The following SOBP variants were observed in gnomAD, a reference collection of about 807,000 sequenced individuals.
SOBP encodes the protein sine oculis-binding protein homolog.
In SOBP, 4 loss-of-function variants were observed where a neutral mutation model predicts 53.6. That is an observed-to-expected ratio of 0.07 (90% CI 0.04 to 0.17). The LOEUF is 0.17. SOBP is among the 10% of genes least tolerant of loss of function. SOBP has a pLI of 1.00. For synonymous variants in SOBP, 584 were observed against 522.6 expected, an observed-to-expected ratio of 1.12 and a Z score of -1.60; for missense variants, 1,088 against 1,204.7, an observed-to-expected ratio of 0.90 and a Z score of 1.43.
intron 4 of SOBP, among the ~76,000 whole-genome samples, chr6:107,550,957 A>G (rs1477523193): frequency 2.0e-5 from 3 of 152,210 alleles, no homozygotes; most frequent in African/African-American, 7.2e-5. Flanking sequence ...GAGATAAAGG[A>G]GGCAAAGAAG....
At chr6:107,584,398 G>C (rs1214016846) in intron 4 of SOBP, among the ~76,000 whole-genome samples, 1 of 152,164 alleles carries the variant, frequency 6.6e-6, no homozygotes, top group Non-Finnish European at 1.5e-5. Context: ...ATGCAAAGGG[G>C]ATTACAGTGG....
intron 6 of SOBP, among the ~76,000 whole-genome samples, chr6:107,649,858 A>G (rs3800209): frequency 0.035 from 5,345 of 152,222 alleles, 296 homozygotes; most frequent in East Asian, 0.14. Context: ...AAGTGAGTGC[A>G]CAAGAAGGGG....
chr6:107,601,888 T>A (rs541590050), intron 5 of SOBP, among the ~76,000 whole-genome samples: 3 of 152,264 alleles, frequency 2.0e-5, no homozygotes, highest in Non-Finnish European at 4.4e-5. Flanking sequence ...ACATATTCAT[T>A]TAATGAGCAG....
chr6:107,547,372 A>G (rs1333807019), intron 4 of SOBP, among the ~76,000 whole-genome samples: 3 of 152,214 alleles, frequency 2.0e-5, no homozygotes, highest in Admixed American at 1.3e-4. Flanking sequence ...ATTAAAGACA[A>G]TTTTTAAAAG....
chr6:107,502,328 G>A (rs1169971897), intron 1 of SOBP, among the ~76,000 whole-genome samples: 2 of 152,140 alleles, frequency 1.3e-5, no homozygotes, highest in Non-Finnish European at 2.9e-5. Flanking sequence ...CACAAAGAAG[G>A]TTAGAATATA....
intron 4 of SOBP, among the ~76,000 whole-genome samples, chr6:107,535,637 G>GTT (rs1196256220): frequency 6.9e-4 from 94 of 135,300 alleles, no homozygotes; most frequent in East Asian, 1.7e-3. Flanking sequence ...GTGTGTGTGT[G>GTT]TTTTTTTTTT....
intron 4 of SOBP, among the ~76,000 whole-genome samples, chr6:107,580,293 C>G (rs1308522520): frequency 1.3e-5 from 2 of 152,206 alleles, no homozygotes; most frequent in African/African-American, 2.4e-5. Flanking sequence ...ATGCAACTCT[C>G]TACAATCTGT....
chr6:107,575,612 ATAT>A (rs954331047), intron 4 of SOBP, among the ~76,000 whole-genome samples: 18 of 152,162 alleles, frequency 1.2e-4, no homozygotes, highest in Non-Finnish European at 2.4e-4. Flanking sequence ...GCAGAACCAC[ATAT>A]TATTTTTCTC....
At chr6:107,565,677 A>C (rs2115031162) in intron 4 of SOBP, among the ~76,000 whole-genome samples, 1 of 152,320 alleles carries the variant, frequency 6.6e-6, no homozygotes, top group Middle Eastern at 3.4e-3. Flanking sequence ...GACTCTATTA[A>C]ATTGTAGAAT....
intron 3 of SOBP, chr6:107,510,719 A>T (rs557990484): frequency 6.6e-6 from 1 of 152,210 alleles, no homozygotes; most frequent in Non-Finnish European, 1.5e-5. Context: ...AATTGGGTTG[A>T]GATATGCTAC....
At chr6:107,533,728 C>G in intron 4 of SOBP, 118 bp downstream of exon 4, 1 of 1,323,948 alleles carries the variant, frequency 7.6e-7, no homozygotes, top group Non-Finnish European at 1.1e-6. Context: ...TTTTTATTCT[C>G]TCTGTTTTGT....
At chr6:107,580,353 C>T (rs1471338493) in intron 4 of SOBP, among the ~76,000 whole-genome samples, 1 of 152,196 alleles carries the variant, frequency 6.6e-6, no homozygotes, top group East Asian at 1.9e-4. Context: ...AAGGGTTATC[C>T]ATTCATAGAG....
intron 4 of SOBP, among the ~76,000 whole-genome samples, chr6:107,583,018 A>G (rs927203466): frequency 2.0e-4 from 30 of 152,250 alleles, no homozygotes; most frequent in African/African-American, 6.5e-4. Context: ...TTGGTGTCCT[A>G]TGTCCACCCT....
rs367678398 is a variant in SOBP at position 107,646,917 on chromosome 6, C to T, written c.*4-11290C>T. Among the ~76,000 whole-genome samples the T allele has an allele frequency of 7.9e-5, 12 of 152,262 alleles. No individual in the cohort carries two copies. The East Asian group carries it at 2.1e-3, about 27-fold the overall frequency. On this transcript the variant is annotated intron_variant, in intron 6 of 6. Coordinates refer to ENST00000317357, the MANE Select transcript of SOBP (RefSeq NM_018013.4). ...ACTTCAGCTCTCTGAGCCTCAGTCT[C>T]TATGTCATGAGTAATGAGATTGCTG...
chr6:107,546,195 G>A (rs1376176057), intron 4 of SOBP, among the ~76,000 whole-genome samples: 3 of 152,154 alleles, frequency 2.0e-5, no homozygotes, highest in South Asian at 4.1e-4. Flanking sequence ...CAGAAGCTGT[G>A]CTCCAAGGAC....
intron 3 of SOBP, among the ~76,000 whole-genome samples, chr6:107,508,415 C>T (rs1783058050): frequency 6.6e-6 from 1 of 152,076 alleles, no homozygotes; most frequent in Non-Finnish European, 1.5e-5. Flanking sequence ...CCCGTCTCTA[C>T]TAAAACTGCA....
chr6:107,655,136 G>T (rs140986619), intron 6 of SOBP, among the ~76,000 whole-genome samples: 7 of 151,896 alleles, frequency 4.6e-5, no homozygotes, highest in Non-Finnish European at 1.0e-4. Flanking sequence ...CAGTTTTTTC[G>T]TAAGATTCTT....
chr6:107,495,500 T>C (rs1782677719), intron 1 of SOBP, among the ~76,000 whole-genome samples: 1 of 152,166 alleles, frequency 6.6e-6, no homozygotes, highest in African/African-American at 2.4e-5. Context: ...ACCACTCCAC[T>C]TCCTCTCGAA....
intron 3 of SOBP, 101 bp from the exon 4 acceptor site, chr6:107,533,358 C>A: frequency 1.7e-5 from 18 of 1,048,218 alleles, no homozygotes; most frequent in African/African-American, 3.4e-5. Context: ...GGTCCAGAAA[C>A]TAAAATCAGG....
Sources: allele counts gnomAD v4.1 joint callset (sites outside exome capture counted in the v4.1 genomes callset), GRCh38; gene constraint gnomAD v4.1.1; transcripts MANE v1.5; gene names NCBI Gene and HGNC (gene_info 2026-07-23, HGNC 2026-07-21).